The following VPS13A variants were observed in gnomAD, a reference collection of about 807,000 sequenced individuals.
The protein encoded by VPS13A is vacuolar protein sorting 13 homolog A, also known as intermembrane lipid transfer protein VPS13A.
VPS13A carries 264 observed loss-of-function variants against 390.9 expected under a neutral mutation model. That is an observed-to-expected ratio of 0.68 (90% CI 0.61 to 0.75). VPS13A has a LOEUF of 0.75. VPS13A is among the 30% of genes least tolerant of loss of function. VPS13A has a pLI of 0.00. For synonymous variants in VPS13A, 1,231 were observed against 1,227.1 expected (o/e 1.00, Z -0.07); for missense variants, 3,409 against 3,733.9 (o/e 0.91, Z 2.27).
intron 23 of VPS13A, among the ~76,000 whole-genome samples, chr9:77,272,594 G>C (rs924941187): frequency 2.0e-5 from 3 of 152,148 alleles, no homozygotes; most frequent in African/African-American, 7.2e-5. Flanking sequence ...TGTCATATAT[G>C]CTACAGTTTG....
Position 77,214,405 on chromosome 9 carries a change from A to G in VPS13A, c.754+19A>G. 5 of 1,593,922 alleles carry G rather than the reference A, an allele frequency of 3.1e-6. No homozygotes were observed. Among genetic ancestry groups the G allele is most frequent in the Non-Finnish European group, 4.3e-6 (5 of 1,162,130 alleles). On this transcript the variant is annotated intron_variant, in intron 10 of 71. Coordinates refer to ENST00000360280, the MANE Select transcript of VPS13A (RefSeq NM_033305.3). ...GATTTTGGTAAGTACATTTTATAAG[A>G]TAAAAAAAGTAGTTAAAGTAATTGG...
chr9:77,218,378 G>T (rs1265220978), intron 10 of VPS13A, among the ~76,000 whole-genome samples: 1 of 152,032 alleles, frequency 6.6e-6, no homozygotes. Context: ...CTCCCAAAGT[G>T]CTGGGATTAC....
chr9:77,356,329 C>G (rs890707529), intron 54 of VPS13A, among the ~76,000 whole-genome samples: 23 of 152,150 alleles, frequency 1.5e-4, no homozygotes, highest in Admixed American at 1.3e-4. Context: ...ATATTGAAGA[C>G]CCCACCACTT....
At chr9:77,295,250 T>A (rs2131375493) in intron 32 of VPS13A, among the ~76,000 whole-genome samples, 1 of 152,240 alleles carries the variant, frequency 6.6e-6, no homozygotes, top group South Asian at 2.1e-4. Flanking sequence ...TAGGGTTGTT[T>A]TTCATTAGGG....
At position 77,407,525 on chromosome 9, in the gene VPS13A, G is replaced by C. The variant is rs964952072; in HGVS notation, c.9400-8G>C. On this transcript the variant is annotated splice_region_variant and splice_polypyrimidine_tract_variant and intron_variant, in intron 70 of 71. Coordinates refer to ENST00000360280, the MANE Select transcript of VPS13A (RefSeq NM_033305.3). ...TCTTTTTAATGAATTTACATATTCT[G>C]TTTATAGGAACGAGTGAAGTCTGTA... The C allele has an allele frequency of 1.2e-6, 2 of 1,607,984 alleles. No homozygotes were observed. The highest frequency in any genetic ancestry group is 1.1e-5 in the South Asian group (1 of 90,880).
At chr9:77,340,639 C>G in intron 50 of VPS13A, 89 bp downstream of exon 50, 2 of 1,511,104 alleles carry the variant, frequency 1.3e-6, no homozygotes, top group Admixed American at 3.4e-5. Flanking sequence ...AATGTTTTAA[C>G]TCTCCCCTTA....
intron 20 of VPS13A, among the ~76,000 whole-genome samples, chr9:77,248,893 A>G (rs1824989004): frequency 6.6e-6 from 1 of 152,126 alleles, no homozygotes; most frequent in Non-Finnish European, 1.5e-5. Flanking sequence ...CATCAAGCCC[A>G]GACAGTTTTT....
At position 77,368,156 on chromosome 9, in the gene VPS13A, A is replaced by G; in HGVS notation, c.8553+20A>G. 1 of 1,585,686 alleles carries G rather than the reference A, an allele frequency of 6.3e-7. No homozygotes were observed. The highest frequency in any genetic ancestry group is 8.6e-7 in the Non-Finnish European group (1 of 1,157,930). ...AAACAGGTTTGTCTAAGATTATATTACAGAGGGACAGAGTGATACAGACTG... is the reference window on the plus strand; with the variant it reads ...AAACAGGTTTGTCTAAGATTATATTGCAGAGGGACAGAGTGATACAGACTG... On this transcript the variant is annotated intron_variant, in intron 62 of 71. Transcript: ENST00000360280.
chr9:77,202,643 T>G (rs1335724249), intron 3 of VPS13A, among the ~76,000 whole-genome samples: 1 of 152,172 alleles, frequency 6.6e-6, no homozygotes. Flanking sequence ...TTGTCGTATT[T>G]CAGTGTATGT....
intron 26 of VPS13A, among the ~76,000 whole-genome samples, chr9:77,277,037 C>T (rs923241305): frequency 6.6e-6 from 1 of 152,070 alleles, no homozygotes; most frequent in Non-Finnish European, 1.5e-5. Flanking sequence ...TTACTGCAAA[C>T]CTTTTGTGTT....
intron 35 of VPS13A, among the ~76,000 whole-genome samples, chr9:77,310,558 CAG>C (rs1381944140): frequency 1.3e-5 from 2 of 152,168 alleles, no homozygotes; most frequent in East Asian, 3.9e-4. Flanking sequence ...TCTTATTTTT[CAG>C]AGATGCACTC....
intron 68 of VPS13A, among the ~76,000 whole-genome samples, chr9:77,400,221 AG>A (rs1834313585): frequency 9.8e-6 from 1 of 102,372 alleles, no homozygotes; most frequent in African/African-American, 4.9e-5. Flanking sequence ...TTTATCAGTC[AG>A]ATTTTTTTTT....
intron 45 of VPS13A, among the ~76,000 whole-genome samples, chr9:77,328,411 C>G (rs1257325313): frequency 2.0e-5 from 3 of 152,210 alleles, no homozygotes; most frequent in Non-Finnish European, 2.9e-5. Flanking sequence ...CATTGGCTAA[C>G]TTCAGGTCAC....
At chr9:77,356,938 A>G in intron 55 of VPS13A, 71 bp downstream of exon 55, 1 of 1,560,464 alleles carries the variant, frequency 6.4e-7, no homozygotes, top group Non-Finnish European at 8.8e-7. Flanking sequence ...CACTAGTGAA[A>G]TTTAAGGAAA....
chr9:77,411,554 G>A (rs565471286), intron 71 of VPS13A, among the ~76,000 whole-genome samples: 3 of 150,652 alleles, frequency 2.0e-5, no homozygotes, highest in South Asian at 2.1e-4. Context: ...TCCCAGCTAC[G>A]CGGGAGGCTG....
intron 5 of VPS13A, among the ~76,000 whole-genome samples, chr9:77,207,054 A>T (rs1176267557): frequency 3.4e-5 from 5 of 148,950 alleles, no homozygotes; most frequent in African/African-American, 7.3e-5. Context: ...TTTAAAAATT[A>T]TTTTTATTTT....
At chr9:77,223,588 T>C (rs1391583518) in intron 13 of VPS13A, among the ~76,000 whole-genome samples, 1 of 152,152 alleles carries the variant, frequency 6.6e-6, no homozygotes, top group Non-Finnish European at 1.5e-5. Flanking sequence ...CTAAGCCTTA[T>C]CCAGTGCAAG....
At chr9:77,252,204 A>G in intron 21 of VPS13A, 31 bp from the exon 22 acceptor site, 1 of 1,515,694 alleles carries the variant, frequency 6.6e-7, no homozygotes, top group South Asian at 1.1e-5. Context: ...TGTTATAGTT[A>G]CGTTAAATAT....
intron 59 of VPS13A, among the ~76,000 whole-genome samples, chr9:77,360,938 A>G (rs1194275395): frequency 6.6e-6 from 1 of 152,038 alleles, no homozygotes; most frequent in Non-Finnish European, 1.5e-5. Flanking sequence ...CACTTTAATA[A>G]TTTAGAAATT....
Sources: allele counts gnomAD v4.1 joint callset (sites outside exome capture counted in the v4.1 genomes callset), GRCh38; gene constraint gnomAD v4.1.1; transcripts MANE v1.5; gene names NCBI Gene and HGNC (gene_info 2026-07-23, HGNC 2026-07-21).